PCDHGA4: variants seen among roughly 807,000 people sequenced by gnomAD.
The protein encoded by PCDHGA4 is protocadherin gamma-A4.
Under a neutral mutation model 54.6 loss-of-function variants are expected in PCDHGA4, and 38 were observed. The observed-to-expected ratio is 0.70, with a 90% CI of 0.54 to 0.91. The LOEUF (loss-of-function observed/expected upper bound fraction) is 0.91, where lower values mean the gene tolerates loss of function less well. PCDHGA4 is among the 40% of genes least tolerant of loss of function. The pLI, the probability that PCDHGA4 is intolerant of heterozygous loss-of-function variation, is 0.00. For synonymous variants in PCDHGA4, 511 were observed against 512.9 expected (o/e 1.00, Z 0.05); for missense variants, 1,298 against 1,220.9 (o/e 1.06, Z -0.94).
At chr5:141,468,077 C>T (rs180732917) in intron 1 of PCDHGA4, among the ~76,000 whole-genome samples, 1 of 152,152 alleles carries the variant, frequency 6.6e-6, no homozygotes, top group East Asian at 1.9e-4. Flanking sequence ...GTAATCCCAG[C>T]ACTTTGGGAG....
rs777247531 is a variant in PCDHGA4 at position 141,476,417 on chromosome 5, C to T, written c.2515-18390C>T. 3 of 1,614,112 alleles carry T rather than the reference C, an allele frequency of 1.9e-6. No homozygotes were observed. Among genetic ancestry groups the T allele is most frequent in the Admixed American group, 1.7e-5 (1 of 60,018 alleles). The stretch of plus-strand genomic sequence containing the variant: ...GGATCGAGAGGAGCTGTGTGGGACA[C>T]TGCCCTCTTGCACTGTAACTCTGGA... On this transcript the variant is annotated intron_variant, in intron 1 of 3. Coordinates refer to ENST00000571252, the MANE Select transcript of PCDHGA4 (RefSeq NM_018917.4). The surrounding 1 kb of genome is among the most constrained non-coding windows in gnomAD (Gnocchi z 7.6).
At chr5:141,399,736 G>A (rs771689220) in intron 1 of PCDHGA4, 4 of 1,613,306 alleles carry the variant, frequency 2.5e-6, no homozygotes, top group Non-Finnish European at 3.4e-6. Flanking sequence ...GGGCTCGCCT[G>A]CGCTCAGCGC....
intron 1 of PCDHGA4, among the ~76,000 whole-genome samples, chr5:141,492,337 C>T (rs559700346): frequency 1.0e-3 from 158 of 152,324 alleles, no homozygotes; most frequent in African/African-American, 3.7e-3. Flanking sequence ...TACGCGAATA[C>T]CAGCTTTCAC....
chr5:141,360,423 C>T, intron 1 of PCDHGA4: 1 of 1,613,908 alleles, frequency 6.2e-7, no homozygotes, highest in Non-Finnish European at 8.5e-7. Flanking sequence ...AACAGATATG[C>T]GGGAAGCAGC....
At chr5:141,384,383 C>T in intron 1 of PCDHGA4, 1 of 1,613,946 alleles carries the variant, frequency 6.2e-7, no homozygotes. Flanking sequence ...GCCGAAGACA[C>T]CATCCAGGGG....
In PCDHGA4 at chr5:141,420,606, G is replaced by A. The variant is rs141099124; in HGVS notation, c.2514+62985G>A. On this transcript the variant is annotated intron_variant, in intron 1 of 3. Coordinates refer to ENST00000571252, the MANE Select transcript of PCDHGA4 (RefSeq NM_018917.4). Reference sequence around the variant, plus strand: ...CCTGATGCTACTCAATTTTTCTCAAGTATTTCATCTTCATTTACTCAATAA... The same window carrying A: ...CCTGATGCTACTCAATTTTTCTCAAATATTTCATCTTCATTTACTCAATAA... Among the ~76,000 whole-genome samples the A allele has an allele frequency of 2.7e-3, 411 of 152,256 alleles. 1 individual carries two copies. Among genetic ancestry groups the A allele is most frequent in the African/African-American group, 9.4e-3 (392 of 41,546 alleles).
intron 1 of PCDHGA4, chr5:141,418,610 C>T: frequency 6.2e-7 from 1 of 1,614,054 alleles, no homozygotes; most frequent in Non-Finnish European, 8.5e-7. Context: ...CAGGGTTAGC[C>T]TTCGGGAAGA....
rs2099883795 is a variant in PCDHGA4 at position 141,511,444 on chromosome 5, A to C, written c.*271A>C. 3.0e-6 allele frequency: 2 copies of C among 665,362 alleles called. No individual in the cohort carries two copies. The highest frequency in any genetic ancestry group is 3.6e-5 in the African/African-American group (2 of 54,978). 41.2% of individuals were successfully genotyped at this position (665,362 alleles called of 1,614,324 possible). On this transcript the variant is annotated 3_prime_UTR_variant, in exon 4 of 4. Coordinates refer to ENST00000571252, the MANE Select transcript of PCDHGA4 (RefSeq NM_018917.4). ...GGGTAGTGGGGTTACTGTAGACACC[A>C]AGAACCATTTGCCACACCCCGTTTA...
At chr5:141,372,288 T>A in intron 1 of PCDHGA4, 1 of 1,613,284 alleles carries the variant, frequency 6.2e-7, no homozygotes, top group East Asian at 2.2e-5. Context: ...GGCGCGTACC[T>A]TGGGCGACAG....
chr5:141,509,292 T>A (rs1407798154), intron 3 of PCDHGA4, among the ~76,000 whole-genome samples: 1 of 152,028 alleles, frequency 6.6e-6, no homozygotes, highest in Non-Finnish European at 1.5e-5. Context: ...GGGTCCAGGG[T>A]GGAGGCAGAG....
In PCDHGA4 at chr5:141,356,135, C is replaced by T. The variant is rs1051475792; in HGVS notation, c.1028C>T (p.Ser343Phe). ...TTGGGGGGTCTAGATTATGAGGACT[C>T]TGGATTCTATGACATAGATGTAGAA... ...TILGGLDYED[S>F]GFYDIDVEAH... Residue 343 changes from serine (S) to phenylalanine (F), a missense_variant, in exon 1 of 4, where the codon TCT becomes TTT. By Grantham distance (155) the Ser-to-Phe change is radical. Coordinates refer to ENST00000571252, the MANE Select transcript of PCDHGA4 (RefSeq NM_018917.4). 3.3e-5 allele frequency: 53 copies of T among 1,613,762 alleles called. No individual in the cohort carries two copies. The African/African-American group carries it at 5.3e-4, about 16-fold the overall frequency.
Position 141,355,033 on chromosome 5 carries a change from T to C in PCDHGA4, c.-75T>C. On this transcript the variant is annotated 5_prime_UTR_variant, in exon 1 of 4. Transcript: ENST00000571252. ...CAGAAATTTAATCAGAATCACAAGA[T>C]TTCTGCAGCACAAAGCACTGGCTCT... is the stretch of plus-strand genomic sequence containing the variant. 1.0e-6 allele frequency: 1 copy of C among 1,004,180 alleles called. No individual in the cohort carries two copies. Among genetic ancestry groups the C allele is most frequent in the African/African-American group, 1.6e-5 (1 of 61,188 alleles). The allele number at this position is 1,004,180 out of a possible 1,614,324, so 62.2% of individuals were successfully genotyped here.
chr5:141,368,358 T>C (rs975502354), intron 1 of PCDHGA4, among the ~76,000 whole-genome samples: 9 of 151,988 alleles, frequency 5.9e-5, no homozygotes, highest in African/African-American at 1.9e-4. Flanking sequence ...CACACATATA[T>C]ATACACACAT....
At chr5:141,433,837 C>CAAAA (rs56191208) in intron 1 of PCDHGA4, among the ~76,000 whole-genome samples, 6 of 111,700 alleles carry the variant, frequency 5.4e-5, no homozygotes, top group African/African-American at 1.9e-4. Flanking sequence ...AACTCTATCT[C>CAAAA]AAAAAAAAAA....
In PCDHGA4 at chr5:141,379,822, T is replaced by C. The variant is rs186939729; in HGVS notation, c.2514+22201T>C. ...GGTTTTGAGAGTTCAGTATAGAATT[T>C]TGAAGCATCAGGAAAAAAAACTACC... On this transcript the variant is annotated intron_variant, in intron 1 of 3. Transcript: ENST00000571252. Among the ~76,000 whole-genome samples, 5 of 150,884 alleles carry C rather than the reference T, an allele frequency of 3.3e-5. No individual in the cohort carries two copies. In the East Asian group the frequency reaches 9.7e-4, roughly 29 times the overall value.
chr5:141,418,058 C>A (rs2096216434), intron 1 of PCDHGA4: 1 of 1,613,872 alleles, frequency 6.2e-7, no homozygotes, highest in Non-Finnish European at 8.5e-7. Flanking sequence ...TCGCGAGCTG[C>A]GAGTGAGCGC....
intron 1 of PCDHGA4, chr5:141,479,750 G>T: frequency 6.6e-6 from 1 of 152,310 alleles, no homozygotes. Context: ...CAATGTGAAA[G>T]GTAGATAAAT....
chr5:141,381,016 C>G (rs961179270), intron 1 of PCDHGA4, among the ~76,000 whole-genome samples: 1 of 152,210 alleles, frequency 6.6e-6, no homozygotes, highest in African/African-American at 2.4e-5. Flanking sequence ...TATAATACCT[C>G]TATTAGTTCC....
chr5:141,414,554 C>G (rs1184557964), intron 1 of PCDHGA4: 3 of 1,613,880 alleles, frequency 1.9e-6, no homozygotes, highest in East Asian at 2.2e-5. Context: ...TCTCAAGTCT[C>G]CTACTTTACC....
Sources: gnomAD v4.1 joint callset for allele counts (sites outside exome capture counted in the v4.1 genomes callset) on GRCh38, gnomAD v4.1.1 for gene constraint, Gnocchi (gnomAD v3.1) non-coding constraint, MANE v1.5 for transcripts, NCBI Gene and HGNC (gene_info 2026-07-23, HGNC 2026-07-21) for gene names.